The following ASB3 variants were observed in gnomAD, a reference collection of about 807,000 sequenced individuals.
ASB3 encodes ankyrin repeat and SOCS box containing 3, also known as ankyrin repeat and SOCS box protein 3.
ASB3 carries 41 observed loss-of-function variants against 54.5 expected under a neutral mutation model. That is an observed-to-expected ratio of 0.75 (90% CI 0.59 to 0.98). ASB3 has a LOEUF of 0.98. ASB3 is among the 50% of genes least tolerant of loss of function. The probability of loss-of-function intolerance (pLI) is 0.00; values close to 1 mark genes in which losing one functional copy is unlikely to be tolerated. For missense variants in ASB3, 733 were observed against 620.0 expected, an observed-to-expected ratio of 1.18 and a Z score of -1.94; for synonymous variants, 266 against 221.2, an observed-to-expected ratio of 1.20 and a Z score of -1.80.
intron 2 of ASB3, among the ~76,000 whole-genome samples, chr2:53,752,797 A>T (rs1450216872): frequency 6.6e-6 from 1 of 152,236 alleles, no homozygotes; most frequent in Non-Finnish European, 1.5e-5. Flanking sequence ...CTCCTGGTAC[A>T]AATGCAGAAA....
chr2:53,783,655 G>C (rs1022172003), intron 1 of ASB3, among the ~76,000 whole-genome samples: 5 of 152,160 alleles, frequency 3.3e-5, no homozygotes, highest in African/African-American at 4.8e-5. Flanking sequence ...CATTAGACTT[G>C]TCATCAGATA....
chr2:53,739,707 G>C (rs772494923), intron 3 of ASB3, among the ~76,000 whole-genome samples: 16 of 151,988 alleles, frequency 1.1e-4, no homozygotes, highest in Non-Finnish European at 1.8e-4. Flanking sequence ...ATAGGGTCTG[G>C]CTCTGTTACC....
chr2:53,783,829 G>GA (rs1456868314), intron 1 of ASB3, among the ~76,000 whole-genome samples: 1 of 152,044 alleles, frequency 6.6e-6, no homozygotes, highest in African/African-American at 2.4e-5. Context: ...AATCCTTCCT[G>GA]AAAAAAATTG....
At chr2:53,735,185 G>C (rs1160245802) in intron 3 of ASB3, among the ~76,000 whole-genome samples, 1 of 152,038 alleles carries the variant, frequency 6.6e-6, no homozygotes, top group Non-Finnish European at 1.5e-5. Context: ...CTCCCAAAGT[G>C]CTGGGATTAC....
Position 53,729,349 on chromosome 2 carries a change from C to T in ASB3, c.468+109G>A, listed in dbSNP as rs1256879805. On this transcript the variant is annotated intron_variant, in intron 4 of 9. Transcript: ENST00000263634. ...GACTGCCTTTTCTGTACTGCACTAA[C>T]CATCATAAATCACAGGCAAGCAGAA... 1.2e-5 allele frequency: 12 copies of T among 1,041,588 alleles called. No individual in the cohort carries two copies. The Admixed American group carries it at 2.7e-4, about 23-fold the overall frequency. The allele number at this position is 1,041,588 out of a possible 1,614,324, so 64.5% of individuals were successfully genotyped here.
chr2:53,700,246 G>A (rs913161868), intron 8 of ASB3, 25 bp downstream of exon 8: 2 of 1,602,792 alleles, frequency 1.2e-6, no homozygotes, highest in African/African-American at 2.7e-5. Context: ...AAAAGGGTAA[G>A]CCCGACTATG....
intron 9 of ASB3, among the ~76,000 whole-genome samples, chr2:53,688,429 G>T (rs1668743379): frequency 6.6e-6 from 1 of 152,168 alleles, no homozygotes; most frequent in Admixed American, 6.5e-5. Flanking sequence ...TTTATGCTTT[G>T]ACCACTTGCC....
chr2:53,738,692 G>C (rs1671774969), intron 3 of ASB3, among the ~76,000 whole-genome samples: 1 of 152,200 alleles, frequency 6.6e-6, no homozygotes, highest in African/African-American at 2.4e-5. Flanking sequence ...GCGATCAGCT[G>C]CAGGTCTTGG....
chr2:53,719,322 G>A (rs369649224), intron 5 of ASB3, among the ~76,000 whole-genome samples: 15 of 152,216 alleles, frequency 9.9e-5, no homozygotes, highest in Non-Finnish European at 2.1e-4. Flanking sequence ...TTGAGAGGCC[G>A]AAGTATGACA....
chr2:53,774,155 G>A (rs753231743), intron 1 of ASB3: 37 of 1,607,904 alleles, frequency 2.3e-5, no homozygotes, highest in Non-Finnish European at 3.0e-5. Context: ...TGTGTATGGG[G>A]TGTTGCTTAC....
chr2:53,725,828 T>C (rs1394220660), intron 5 of ASB3, among the ~76,000 whole-genome samples: 2 of 152,162 alleles, frequency 1.3e-5, no homozygotes, highest in Non-Finnish European at 2.9e-5. Flanking sequence ...TGATAGAAAC[T>C]AGAAACTTCA....
intron 7 of ASB3, among the ~76,000 whole-genome samples, chr2:53,709,570 G>C (rs1293289203): frequency 1.3e-5 from 2 of 152,142 alleles, no homozygotes; most frequent in African/African-American, 4.8e-5. Context: ...ATGTTTCTCA[G>C]GGATATTTGT....
chr2:53,684,074 T>C (rs1668513949), intron 9 of ASB3, among the ~76,000 whole-genome samples: 1 of 152,228 alleles, frequency 6.6e-6, no homozygotes, highest in Non-Finnish European at 1.5e-5. Context: ...TTTTTTAATG[T>C]AGATGCTTTA....
intron 3 of ASB3, among the ~76,000 whole-genome samples, chr2:53,734,898 T>C (rs1489115353): frequency 3.3e-5 from 5 of 151,802 alleles, no homozygotes; most frequent in African/African-American, 7.3e-5. Flanking sequence ...TTTATTTTTT[T>C]ATTCCTTTAC....
chr2:53,755,791 C>T (rs546254415), intron 2 of ASB3, among the ~76,000 whole-genome samples: 24 of 152,182 alleles, frequency 1.6e-4, no homozygotes, highest in African/African-American at 4.3e-4. Context: ...AGAAAAGTGA[C>T]GAGAAAATAC....
At chr2:53,674,512 AATTC>A (rs1163705548) in intron 9 of ASB3, among the ~76,000 whole-genome samples, 3 of 152,168 alleles carry the variant, frequency 2.0e-5, no homozygotes, top group Non-Finnish European at 4.4e-5. Context: ...CACAATTCTT[AATTC>A]ATTATGCTTA....
Position 53,749,492 on chromosome 2 carries a change from G to T in ASB3, c.355+1291C>A, listed in dbSNP as rs528892451. On this transcript the variant is annotated intron_variant, in intron 3 of 9. Coordinates refer to ENST00000263634, the MANE Select transcript of ASB3 (RefSeq NM_016115.5). ...AAAAACTTATATTGATACAAAACCT[G>T]TCTGCAAATGTTTATAGGAGATTTA... Among the ~76,000 whole-genome samples, 3 of 152,030 alleles carry T rather than the reference G, an allele frequency of 2.0e-5. No homozygotes were observed. The South Asian group carries it at 6.2e-4, about 31-fold the overall frequency.
chr2:53,686,001 T>G (rs1385095545), intron 9 of ASB3, among the ~76,000 whole-genome samples: 1 of 152,236 alleles, frequency 6.6e-6, no homozygotes, highest in Non-Finnish European at 1.5e-5. Flanking sequence ...TCATGACAGA[T>G]AGAAGAGGCA....
chr2:53,718,975 C>A (rs1273322759), intron 5 of ASB3, among the ~76,000 whole-genome samples: 2 of 152,124 alleles, frequency 1.3e-5, no homozygotes, highest in Admixed American at 6.5e-5. Context: ...GGCTGGAGTG[C>A]AATGGTGCGA....
Sources: gnomAD v4.1 joint callset for allele counts (sites outside exome capture counted in the v4.1 genomes callset) on GRCh38, gnomAD v4.1.1 for gene constraint, MANE v1.5 for transcripts, NCBI Gene and HGNC (gene_info 2026-07-23, HGNC 2026-07-21) for gene names.